Variants in TBC1D13 observed in about 807,000 individuals in gnomAD.
TBC1D13 encodes TBC1 domain family member 13, also known as epididymis secretory sperm binding protein.
In TBC1D13, 40 loss-of-function variants were observed where a neutral mutation model predicts 53.6. That is an observed-to-expected ratio of 0.75 (90% CI 0.58 to 0.97). The LOEUF (loss-of-function observed/expected upper bound fraction) is 0.97. TBC1D13 is among the 50% of genes least tolerant of loss of function. The pLI is 0.00. For missense variants in TBC1D13, 377 were observed against 499.4 expected, an observed-to-expected ratio of 0.75 and a Z score of 2.34; for synonymous variants, 182 against 197.7, an observed-to-expected ratio of 0.92 and a Z score of 0.67.
intron 10 of TBC1D13, 46 bp downstream of exon 10, chr9:128,806,065 G>A (rs1464655334): frequency 6.2e-7 from 1 of 1,600,822 alleles, no homozygotes; most frequent in Non-Finnish European, 8.5e-7. Flanking sequence ...GGCAGTCCTT[G>A]GAGAAGCCAG....
chr9:128,796,243 G>A (rs1026881500), intron 6 of TBC1D13, among the ~76,000 whole-genome samples: 7 of 151,490 alleles, frequency 4.6e-5, no homozygotes, highest in African/African-American at 1.7e-4. Flanking sequence ...CTCCCACTGC[G>A]CCTGGCTAAT....
Position 128,806,049 on chromosome 9 carries a change from C to T in TBC1D13, c.1079+30C>T, listed in dbSNP as rs769561824. ...GTGCGGGCATGAGCTGTCATCAGCT[C>T]ACCTGGGCAGTCCTTGGAGAAGCCA... On this transcript the variant is annotated intron_variant, in intron 10 of 11. Transcript: ENST00000372648. 4 of 1,607,436 alleles carry T rather than the reference C, an allele frequency of 2.5e-6. No homozygotes were observed. The Admixed American group carries it at 6.7e-5, about 27-fold the overall frequency.
intron 6 of TBC1D13, among the ~76,000 whole-genome samples, chr9:128,795,555 G>A (rs773866991): frequency 3.0e-5 from 4 of 134,848 alleles, no homozygotes; most frequent in African/African-American, 1.1e-4. Context: ...CCGCCTCCCG[G>A]GTTCACACCA....
chr9:128,791,160 G>A (rs992059385), intron 3 of TBC1D13, among the ~76,000 whole-genome samples: 1 of 152,152 alleles, frequency 6.6e-6, no homozygotes, highest in Non-Finnish European at 1.5e-5. Context: ...TCTGTGTGAG[G>A]AAAAGCAGAG....
At chr9:128,796,086 GTTGTTA>G (rs1829625456) in intron 6 of TBC1D13, among the ~76,000 whole-genome samples, 1 of 152,024 alleles carries the variant, frequency 6.6e-6, no homozygotes, top group African/African-American at 2.4e-5. Context: ...TGTAATTGTT[GTTGTTA>G]TTATTATTTT....
chr9:128,787,448 G>A lies in TBC1D13; in HGVS notation c.23+72G>A, dbSNP rs1254077796. 14 of 1,242,528 alleles carry A rather than the reference G, an allele frequency of 1.1e-5. No individual in the cohort carries two copies. The South Asian group carries it at 1.2e-4, about 11-fold the overall frequency. The allele number at this position is 1,242,528 out of a possible 1,614,324, so 77.0% of individuals were successfully genotyped here. A position where few individuals can be genotyped will look rare whatever the true frequency, so the allele number is the denominator to read the frequency against. ...CTGCCCCTTCTGCCCCTCAGAAGGG[G>A]GAAGCGCGGGTGTGGCCAGGAATCG... On this transcript the variant is annotated intron_variant, in intron 1 of 11. Coordinates refer to ENST00000372648, the MANE Select transcript of TBC1D13 (RefSeq NM_018201.5).
intron 7 of TBC1D13, among the ~76,000 whole-genome samples, chr9:128,800,865 A>T (rs1829720351): frequency 6.6e-6 from 1 of 152,058 alleles, no homozygotes; most frequent in Admixed American, 6.6e-5. Flanking sequence ...ATCTCCTGAG[A>T]ATAAGGGCAT....
chr9:128,799,121 GA>G (rs1487415179), intron 7 of TBC1D13, among the ~76,000 whole-genome samples: 1 of 152,234 alleles, frequency 6.6e-6, no homozygotes, highest in Non-Finnish European at 1.5e-5. Context: ...GTGCAGTGCA[GA>G]TTGCGTGACT....
intron 2 of TBC1D13, among the ~76,000 whole-genome samples, chr9:128,790,459 AG>A (rs1420434540): frequency 6.6e-6 from 1 of 152,052 alleles, no homozygotes; most frequent in African/African-American, 2.4e-5. Flanking sequence ...CTGTAATCCC[AG>A]CTACCTGGGA....
Position 128,801,774 on chromosome 9 carries a change from T to G in TBC1D13, c.544-1476T>G, listed in dbSNP as rs562898698. Among the ~76,000 whole-genome samples the G allele has an allele frequency of 4.2e-3, 631 of 149,088 alleles. 7 individuals carry two copies. The highest frequency in any genetic ancestry group is 6.3e-3 in the Non-Finnish European group (428 of 67,710). ...TTTTGTTTTTTGTTTTTTGTTTTTT[T>G]TTTTTGAGACGGAGTCTCGCACTGT... On this transcript the variant is annotated intron_variant, in intron 7 of 11. Transcript: ENST00000372648.
intron 7 of TBC1D13, among the ~76,000 whole-genome samples, chr9:128,797,978 T>A (rs1829665284): frequency 6.6e-6 from 1 of 151,806 alleles, no homozygotes; most frequent in Non-Finnish European, 1.5e-5. Flanking sequence ...CCTGGCCAGG[T>A]GTGGTGGCTC....
chr9:128,807,724 A>G, intron 11 of TBC1D13, 90 bp from the exon 12 acceptor site: 1 of 1,390,758 alleles, frequency 7.2e-7, no homozygotes, highest in Non-Finnish European at 1.0e-6. Context: ...CCCAGGATCC[A>G]GCATGGCAAC....
At chr9:128,803,140 A>T in intron 7 of TBC1D13, 110 bp from the exon 8 acceptor site, 1 of 934,982 alleles carries the variant, frequency 1.1e-6, no homozygotes. Context: ...TGCAGCCTCG[A>T]CCACTGGGGC....
At chr9:128,796,335 C>A (rs965016764) in intron 6 of TBC1D13, among the ~76,000 whole-genome samples, 1 of 152,032 alleles carries the variant, frequency 6.6e-6, no homozygotes, top group Non-Finnish European at 1.5e-5. Flanking sequence ...CTGCAACCTC[C>A]GCCTCCCAGG....
At position 128,808,408 on chromosome 9, in the gene TBC1D13, CGTGT is replaced by C. The variant is rs3138859; in HGVS notation, c.*574_*577del. 967 of 121,752 alleles carry C rather than the reference CGTGT, an allele frequency of 7.9e-3. 5 individuals are homozygous for C. Among genetic ancestry groups the C allele is most frequent in the Middle Eastern group, 0.019 (5 of 268 alleles). 7.5% of individuals were successfully genotyped at this position (121,752 alleles called of 1,614,324 possible). A position where few individuals can be genotyped will look rare whatever the true frequency, so the allele number is the denominator to read the frequency against. The stretch of plus-strand genomic sequence containing the variant: ...GGCCCAAGTCCCCAGGCATCTTCTC[CGTGT>C]GTGTGTGTGTGTGTGTGTGTGTGTG... On this transcript the variant is annotated 3_prime_UTR_variant, in exon 12 of 12. Transcript: ENST00000372648.
chr9:128,798,340 G>A (rs1400347367), intron 7 of TBC1D13, among the ~76,000 whole-genome samples: 1 of 152,208 alleles, frequency 6.6e-6, no homozygotes, highest in Admixed American at 6.5e-5. Flanking sequence ...TGTGTTCCAG[G>A]TCAGGGAGGC....
chr9:128,789,591 G>A (rs1380108051), intron 2 of TBC1D13, among the ~76,000 whole-genome samples: 1 of 151,642 alleles, frequency 6.6e-6, no homozygotes, highest in Non-Finnish European at 1.5e-5. Context: ...TACTTACTGG[G>A]GTAATAATGA....
rs1264984475 is a variant in TBC1D13, at chr9:128,804,066, GAGA to G, written c.868_870del (p.Lys290del). On this transcript the variant is annotated inframe_deletion, in exon 9 of 12. Coordinates refer to ENST00000372648, the MANE Select transcript of TBC1D13 (RefSeq NM_018201.5). Reference sequence around the variant, plus strand: ...GCAGTGTGGCATCACCTACAAGATGGAGAAGGTTTACTCCACCTTGAAAGATAA... The same window carrying G: ...GCAGTGTGGCATCACCTACAAGATGGAGGTTTACTCCACCTTGAAAGATAA... 1 of 1,614,126 alleles carries G rather than the reference GAGA, an allele frequency of 6.2e-7. No homozygotes were observed. The highest frequency in any genetic ancestry group is 8.5e-7 in the Non-Finnish European group (1 of 1,180,036).
chr9:128,808,408 CGTGTGTGTGTGT>C lies in TBC1D13; in HGVS notation c.*566_*577del, dbSNP rs3138859. On this transcript the variant is annotated 3_prime_UTR_variant, in exon 12 of 12. Transcript: ENST00000372648. ...GGCCCAAGTCCCCAGGCATCTTCTC[CGTGTGTGTGTGT>C]GTGTGTGTGTGTGTGTGTGTGTGTG... 2.4e-3 allele frequency: 296 copies of C among 121,790 alleles called. 1 individual carries two copies. Among genetic ancestry groups the C allele is most frequent in the African/African-American group, 9.0e-3 (237 of 26,264 alleles). 7.5% of individuals were successfully genotyped at this position (121,790 alleles called of 1,614,324 possible).
Sources: gnomAD v4.1 joint callset for allele counts (sites outside exome capture counted in the v4.1 genomes callset) on GRCh38, gnomAD v4.1.1 for gene constraint, MANE v1.5 for transcripts, NCBI Gene and HGNC (gene_info 2026-07-23, HGNC 2026-07-21) for gene names.